THEMIS: variants seen among roughly 807,000 people sequenced by gnomAD.
THEMIS encodes the protein thymocyte selection associated, also known as protein THEMIS.
A neutral mutation model predicts 52.6 loss-of-function variants in THEMIS; 37 were observed. The ratio of observed to expected loss-of-function variants is 0.70; its 90% CI spans 0.54 to 0.93. The LOEUF is 0.93. Ranked by LOEUF, THEMIS falls within the 40% of genes least tolerant of loss-of-function variation. THEMIS has a pLI of 0.00. For missense variants in THEMIS, 808 were observed against 763.1 expected, an observed-to-expected ratio of 1.06 and a Z score of -0.69; for synonymous variants, 292 against 272.7, an observed-to-expected ratio of 1.07 and a Z score of -0.70.
At chr6:127,745,077 G>A (rs1036996953) in intron 4 of THEMIS, among the ~76,000 whole-genome samples, 1 of 151,846 alleles carries the variant, frequency 6.6e-6, no homozygotes, top group Non-Finnish European at 1.5e-5. Flanking sequence ...TGTCAACATG[G>A]CTCCTGAGCT....
Position 127,812,887 on chromosome 6 carries a change from G to T in THEMIS, c.1754C>A (p.Pro585His). The T allele has an allele frequency of 6.3e-7, 1 of 1,592,280 alleles. No individual in the cohort carries two copies. The highest frequency in any genetic ancestry group is 8.6e-7 in the Non-Finnish European group (1 of 1,168,732). ...EERTVDLPKS[P>H]KRHHVDITKK... ...ATTGCAAAACCATAGCCTTACCTTG[G>T]GAGACTTGGGCAGGTCTACCGTCCT... The change falls in exon 4 of 6, where the codon CCC (proline) becomes CAC (histidine). Residue 585 changes from proline (P) to histidine (H), a missense_variant. Transcript: ENST00000368248.
At chr6:127,776,707 A>G (rs569908184) in intron 4 of THEMIS, among the ~76,000 whole-genome samples, 1 of 152,162 alleles carries the variant, frequency 6.6e-6, no homozygotes, top group Non-Finnish European at 1.5e-5. Context: ...TTTTGGTAAA[A>G]TTTTTTATGC....
At chr6:127,859,059 T>G (rs527477795) in intron 1 of THEMIS, among the ~76,000 whole-genome samples, 12 of 152,150 alleles carry the variant, frequency 7.9e-5, no homozygotes, top group African/African-American at 2.6e-4. Context: ...TTCAATAGAT[T>G]TTCTTCCATC....
intron 4 of THEMIS, among the ~76,000 whole-genome samples, chr6:127,731,864 ATTTT>A (rs58263706): frequency 0.14 from 5,976 of 41,722 alleles, 747 homozygotes; most frequent in Middle Eastern, 0.18. Context: ...TGCCCGGCTA[ATTTT>A]TTTTTTTTTT....
intron 2 of THEMIS, among the ~76,000 whole-genome samples, chr6:127,832,573 G>A (rs1355947944): frequency 1.3e-5 from 2 of 152,054 alleles, no homozygotes; most frequent in Non-Finnish European, 2.9e-5. Flanking sequence ...AGATCTAAAT[G>A]TGACCAACTT....
chr6:127,889,298 G>A (rs545342278), intron 1 of THEMIS, among the ~76,000 whole-genome samples: 35 of 152,192 alleles, frequency 2.3e-4, no homozygotes, highest in Non-Finnish European at 4.4e-4. Context: ...AGCATACCAT[G>A]TACTCAAAAG....
chr6:127,771,027 T>A (rs1776367497), intron 4 of THEMIS, among the ~76,000 whole-genome samples: 1 of 152,122 alleles, frequency 6.6e-6, no homozygotes, highest in Non-Finnish European at 1.5e-5. Context: ...AAAACCCCAT[T>A]GTCTCAGCCC....
chr6:127,726,812 A>T (rs1017308504), intron 4 of THEMIS, among the ~76,000 whole-genome samples: 2 of 152,176 alleles, frequency 1.3e-5, no homozygotes, highest in African/African-American at 4.8e-5. Context: ...ACATACTTCC[A>T]TCAAGCTCAA....
At chr6:127,867,146 T>C (rs771704056) in intron 1 of THEMIS, among the ~76,000 whole-genome samples, 6 of 151,938 alleles carry the variant, frequency 3.9e-5, no homozygotes, top group Admixed American at 3.3e-4. Context: ...TGGGAAAACT[T>C]TGAGACAATT....
intron 4 of THEMIS, among the ~76,000 whole-genome samples, chr6:127,757,448 T>C (rs897216441): frequency 6.6e-6 from 1 of 152,228 alleles, no homozygotes; most frequent in South Asian, 2.1e-4. Context: ...TATATATATA[T>C]GTAAGTGAAA....
intron 1 of THEMIS, among the ~76,000 whole-genome samples, chr6:127,889,145 A>G (rs1358092627): frequency 6.6e-6 from 1 of 152,130 alleles, no homozygotes; most frequent in Non-Finnish European, 1.5e-5. Flanking sequence ...TCATTTTGAC[A>G]TAGTCTACCA....
chr6:127,879,240 T>C (rs1316953686), intron 1 of THEMIS, among the ~76,000 whole-genome samples: 1 of 152,222 alleles, frequency 6.6e-6, no homozygotes, highest in African/African-American at 2.4e-5. Flanking sequence ...GTTGAGCATA[T>C]GTTAACAAAT....
At chr6:127,739,656 G>GA (rs1246342224) in intron 4 of THEMIS, among the ~76,000 whole-genome samples, 1 of 152,052 alleles carries the variant, frequency 6.6e-6, no homozygotes, top group Non-Finnish European at 1.5e-5. Flanking sequence ...AGAAGAAAAA[G>GA]AAAAAGGAAA....
intron 1 of THEMIS, among the ~76,000 whole-genome samples, chr6:127,911,961 T>G (rs1781422479): frequency 6.6e-6 from 1 of 152,054 alleles, no homozygotes; most frequent in Admixed American, 6.5e-5. Flanking sequence ...TTGTGTAGAA[T>G]GTGCCTCAAT....
chr6:127,699,633 A>T, the THEMIS span, among the ~76,000 whole-genome samples: 18 of 151,934 alleles, frequency 1.2e-4, no homozygotes, highest in Non-Finnish European at 1.6e-4. Context: ...CGAACTGTAC[A>T]TGATTAATTG....
intron 1 of THEMIS, among the ~76,000 whole-genome samples, chr6:127,881,529 C>T (rs1780484662): frequency 6.6e-6 from 1 of 151,858 alleles, no homozygotes; most frequent in African/African-American, 2.4e-5. Flanking sequence ...CAACAAAGAA[C>T]TTAGTTATCT....
chr6:127,726,564 T>C (rs1320075091), intron 4 of THEMIS, among the ~76,000 whole-genome samples: 1 of 152,160 alleles, frequency 6.6e-6, no homozygotes, highest in Non-Finnish European at 1.5e-5. Flanking sequence ...TTAACAGTAC[T>C]CATATTTCAG....
chr6:127,822,072 C>A (rs897760114), intron 3 of THEMIS, among the ~76,000 whole-genome samples: 3 of 151,828 alleles, frequency 2.0e-5, no homozygotes, highest in Non-Finnish European at 4.4e-5. Context: ...TAATCTTTGT[C>A]ATTTACTTTC....
At chr6:127,810,884 C>A (rs1341579110) in intron 4 of THEMIS, among the ~76,000 whole-genome samples, 2 of 146,756 alleles carry the variant, frequency 1.4e-5, no homozygotes, top group Non-Finnish European at 3.0e-5. Context: ...AAAAAAAAAA[C>A]TGAGAAAGTT....
Sources: allele counts gnomAD v4.1 joint callset (sites outside exome capture counted in the v4.1 genomes callset), GRCh38; gene constraint gnomAD v4.1.1; transcripts MANE v1.5; gene names NCBI Gene and HGNC (gene_info 2026-07-23, HGNC 2026-07-21).